The following NTSR1 variants were observed in gnomAD, a reference collection of about 807,000 sequenced individuals.
The protein encoded by NTSR1 is neurotensin receptor 1.
NTSR1 carries 29 observed loss-of-function variants against 31.2 expected under a neutral mutation model. The ratio of observed to expected loss-of-function variants is 0.93; its 90% CI spans 0.69 to 1.27. The LOEUF (loss-of-function observed/expected upper bound fraction) is 1.27. Among genes scored for constraint, NTSR1 ranks in the 50% most tolerant of loss-of-function variants. The pLI is 0.00. For synonymous variants in NTSR1, 282 were observed against 269.9 expected, an observed-to-expected ratio of 1.04 and a Z score of -0.44; for missense variants, 697 against 595.4, an observed-to-expected ratio of 1.17 and a Z score of -1.78.
At chr20:62,738,286 C>A (rs994175450) in intron 1 of NTSR1, among the ~76,000 whole-genome samples, 2 of 152,222 alleles carry the variant, frequency 1.3e-5, no homozygotes, top group African/African-American at 4.8e-5. Flanking sequence ...ACAGACAAGG[C>A]AGGTGCAGCC....
At chr20:62,727,607 G>T (rs1290316331) in intron 1 of NTSR1, among the ~76,000 whole-genome samples, 1 of 152,234 alleles carries the variant, frequency 6.6e-6, no homozygotes, top group Non-Finnish European at 1.5e-5. Context: ...GTGACTGAGG[G>T]GATAGCACAG....
chr20:62,718,222 C>A (rs2147133151), intron 1 of NTSR1, among the ~76,000 whole-genome samples: 1 of 152,250 alleles, frequency 6.6e-6, no homozygotes, highest in Non-Finnish European at 1.5e-5. Flanking sequence ...AGCAGAGCCG[C>A]CACGTGACTT....
rs1989605279 is a variant in NTSR1, at chr20:62,760,649, G to A, written c.*382G>A. The A allele has an allele frequency of 1.1e-5, 2 of 182,372 alleles. No individual in the cohort carries two copies. The highest frequency in any genetic ancestry group is 2.3e-5 in the Non-Finnish European group (2 of 86,086). 11.3% of individuals were successfully genotyped at this position (182,372 alleles called of 1,614,324 possible). A position where few individuals can be genotyped will look rare whatever the true frequency, so the allele number is the denominator to read the frequency against. Reference sequence around the variant, plus strand: ...AGGTGCTGGGTGGGGCCGGGCCTCCGGCGGCCCGGCTGCTGTTCCCATGTC... The same window carrying A: ...AGGTGCTGGGTGGGGCCGGGCCTCCAGCGGCCCGGCTGCTGTTCCCATGTC... On this transcript the variant is annotated 3_prime_UTR_variant, in exon 4 of 4. Transcript: ENST00000370501.
chr20:62,725,006 C>T (rs1988881995), intron 1 of NTSR1, among the ~76,000 whole-genome samples: 1 of 152,226 alleles, frequency 6.6e-6, no homozygotes, highest in African/African-American at 2.4e-5. Flanking sequence ...CAAATAAGGT[C>T]ACACAGGTTC....
At position 62,758,308 on chromosome 20, in the gene NTSR1, A is replaced by T. The variant is rs200915335; in HGVS notation, c.959A>T (p.His320Leu). The T allele has an allele frequency of 6.2e-7, 1 of 1,612,914 alleles. No individual in the cohort carries two copies. Among genetic ancestry groups the T allele is most frequent in the African/African-American group, 1.3e-5 (1 of 74,760 alleles). ...TTTGTGGTCTGCTGGCTGCCCTACC[A>T]CGTGCGGCGCCTCATGTTCTGCTAC... Reference protein sequence around the residue: ...IAFVVCWLPYHVRRLMFCYIS... With the variant: ...IAFVVCWLPYLVRRLMFCYIS... Residue 320 changes from histidine (H) to leucine (L), a missense_variant, in exon 3 of 4, where the codon CAC (histidine) becomes CTC (leucine). Coordinates refer to ENST00000370501, the MANE Select transcript of NTSR1 (RefSeq NM_002531.3). This position sits in a 1 kb window ranked among gnomAD's most constrained non-coding sequence, Gnocchi z 4.5.
At position 62,716,507 on chromosome 20, in the gene NTSR1, C is replaced by T. The variant is rs113202625; in HGVS notation, c.714+6586C>T. 5.9e-4 allele frequency among the ~76,000 whole-genome samples: 28 copies of T among 47,832 alleles called. 1 individual carries two copies. Among genetic ancestry groups the T allele is most frequent in the African/African-American group, 1.6e-3 (28 of 17,382 alleles). The allele number at this position is 47,832 out of a possible 152,430, so 31.4% of individuals were successfully genotyped here. On this transcript the variant is annotated intron_variant, in intron 1 of 3. Coordinates refer to ENST00000370501, the MANE Select transcript of NTSR1 (RefSeq NM_002531.3). Reference sequence around the variant, plus strand: ...TGGATCATAGCTCGTGGTTTCAGCGCGTTAGTCCCGCCTCCGTGAGTCTGT... The same window carrying T: ...TGGATCATAGCTCGTGGTTTCAGCGTGTTAGTCCCGCCTCCGTGAGTCTGT...
Position 62,760,627 on chromosome 20 carries a change from T to G in NTSR1, c.*360T>G. On this transcript the variant is annotated 3_prime_UTR_variant, in exon 4 of 4. Coordinates refer to ENST00000370501, the MANE Select transcript of NTSR1 (RefSeq NM_002531.3). ...TGGTTCCAGAGAAGGAAATGAAAGGTGCTGGGTGGGGCCGGGCCTCCGGCG... is the reference window on the plus strand; with the variant it reads ...TGGTTCCAGAGAAGGAAATGAAAGGGGCTGGGTGGGGCCGGGCCTCCGGCG... 1 of 198,694 alleles carries G rather than the reference T, an allele frequency of 5.0e-6. No homozygotes were observed. The highest frequency in any genetic ancestry group is 1.0e-5 in the Non-Finnish European group (1 of 96,324). 12.3% of individuals were successfully genotyped at this position (198,694 alleles called of 1,614,324 possible).
chr20:62,758,696 C>A lies in NTSR1; in HGVS notation c.1007+340C>A, dbSNP rs1989558661. ...CCTCCTCATATGGCAGCTGTCAGAG[C>A]CCCAAGGCCACCCAGGTTGGACCCA... On this transcript the variant is annotated intron_variant, in intron 3 of 3. Transcript: ENST00000370501. This position sits in a 1 kb window ranked among gnomAD's most constrained non-coding sequence, Gnocchi z 4.5. 6.6e-6 allele frequency among the ~76,000 whole-genome samples: 1 copy of A among 152,144 alleles called. No homozygotes were observed. The highest frequency in any genetic ancestry group is 2.1e-4 in the South Asian group (1 of 4,828).
intron 1 of NTSR1, among the ~76,000 whole-genome samples, chr20:62,718,807 T>C (rs1988781132): frequency 1.3e-5 from 2 of 152,252 alleles, no homozygotes; most frequent in South Asian, 4.1e-4. Flanking sequence ...TGGGCGATTA[T>C]GAATAAAGTA....
intron 1 of NTSR1, among the ~76,000 whole-genome samples, chr20:62,731,461 A>T (rs1159308680): frequency 6.6e-6 from 1 of 151,938 alleles, no homozygotes; most frequent in Non-Finnish European, 1.5e-5. Flanking sequence ...GCATCTAAAA[A>T]CTCATTGCCA....
rs546802941 is a variant in NTSR1 at position 62,710,957 on chromosome 20, C to T, written c.714+1036C>T. On this transcript the variant is annotated intron_variant, in intron 1 of 3. Transcript: ENST00000370501. The stretch of plus-strand genomic sequence containing the variant: ...CAGCTAGAGGGGCCAGGGTGGCTGG[C>T]TGTCCCCCCAACTCCCCACACACCA... 5.4e-4 allele frequency among the ~76,000 whole-genome samples: 82 copies of T among 152,310 alleles called. 2 individuals carry two copies. The highest frequency in any genetic ancestry group is 4.7e-3 in the Admixed American group (72 of 15,306).
At chr20:62,759,247 G>C (rs941661737) in intron 3 of NTSR1, among the ~76,000 whole-genome samples, 1 of 152,200 alleles carries the variant, frequency 6.6e-6, no homozygotes, top group African/African-American at 2.4e-5. Context: ...GGGCTGACTG[G>C]TAGTAATTGA....
rs45595235 is a variant in NTSR1, at chr20:62,760,000, G to A, written c.1008-18G>A. On this transcript the variant is annotated intron_variant, in intron 3 of 3. Transcript: ENST00000370501. ...CAAGAGTTCTCTCTGGGATCTGAGC[G>A]CCTCTCTCTCCCCGCAGGTTCCTCT... The A allele has an allele frequency of 6.3e-5, 102 of 1,611,116 alleles. No homozygotes were observed. Among genetic ancestry groups the A allele is most frequent in the South Asian group, 4.6e-4 (42 of 91,022 alleles).
At chr20:62,722,310 C>T (rs1223373436) in intron 1 of NTSR1, among the ~76,000 whole-genome samples, 1 of 152,210 alleles carries the variant, frequency 6.6e-6, no homozygotes, top group African/African-American at 2.4e-5. Context: ...TCTGTCTTAG[C>T]TGGGGTGGGT....
In NTSR1 at chr20:62,741,706, C is replaced by T. The variant is rs1002611494; in HGVS notation, c.715-12979C>T. Among the ~76,000 whole-genome samples, 3 of 149,732 alleles carry T rather than the reference C, an allele frequency of 2.0e-5. No homozygotes were observed. Among genetic ancestry groups the T allele is most frequent in the African/African-American group, 7.5e-5 (3 of 40,166 alleles). ...GGAGCCATGGACAGAGGCTGTGGGG[C>T]AGGCTCAGTCCCTGAGAGGTCGCCA... is the stretch of plus-strand genomic sequence containing the variant. On this transcript the variant is annotated intron_variant, in intron 1 of 3. Coordinates refer to ENST00000370501, the MANE Select transcript of NTSR1 (RefSeq NM_002531.3). This position sits in a 1 kb window ranked among gnomAD's most constrained non-coding sequence, Gnocchi z 4.3.
In NTSR1 at chr20:62,760,421, T is replaced by A. The variant is rs1448567152; in HGVS notation, c.*154T>A. ...CCTGGGACCCCCCCCTCCCACCCCC[T>A]AACCCATGTTTCTCATTAGTGTCTC... On this transcript the variant is annotated 3_prime_UTR_variant, in exon 4 of 4. Coordinates refer to ENST00000370501, the MANE Select transcript of NTSR1 (RefSeq NM_002531.3). 1 of 557,148 alleles carries A rather than the reference T, an allele frequency of 1.8e-6. No homozygotes were observed. Among genetic ancestry groups the A allele is most frequent in the Non-Finnish European group, 2.7e-6 (1 of 374,436 alleles). 34.5% of individuals were successfully genotyped at this position (557,148 alleles called of 1,614,324 possible). A position where few individuals can be genotyped will look rare whatever the true frequency, so the allele number is the denominator to read the frequency against.
chr20:62,732,859 T>G lies in NTSR1; in HGVS notation c.715-21826T>G, dbSNP rs1428048275. 3 of 152,240 alleles carry G rather than the reference T, an allele frequency of 2.0e-5. No individual in the cohort carries two copies. The highest frequency in any genetic ancestry group is 7.2e-5 in the African/African-American group (3 of 41,450). The allele number at this position is 152,240 out of a possible 1,614,324, so 9.4% of individuals were successfully genotyped here. A position where few individuals can be genotyped will look rare whatever the true frequency, so the allele number is the denominator to read the frequency against. On this transcript the variant is annotated intron_variant, in intron 1 of 3. Coordinates refer to ENST00000370501, the MANE Select transcript of NTSR1 (RefSeq NM_002531.3). This position sits in a 1 kb window ranked among gnomAD's most constrained non-coding sequence, Gnocchi z 4.0. ...GCTCCAGGCACGCTGGTTCCCCATC[T>G]GACCCTCCGCTTGCTTTTCCTCGGG...
At chr20:62,731,460 A>G (rs1346590255) in intron 1 of NTSR1, among the ~76,000 whole-genome samples, 1 of 152,190 alleles carries the variant, frequency 6.6e-6, no homozygotes, top group East Asian at 1.9e-4. Context: ...TGCATCTAAA[A>G]ACTCATTGCC....
At position 62,758,339 on chromosome 20, in the gene NTSR1, G is replaced by A. The variant is rs113016803; in HGVS notation, c.990G>A (p.Ser330=). The part of the protein sequence containing the change: ...HVRRLMFCYI[S]DEQWTPFLYD... Reference sequence around the variant, plus strand: ...GGCGCCTCATGTTCTGCTACATCTCGGATGAGCAGTGGACTCCGTGAGTAC... The same window carrying A: ...GGCGCCTCATGTTCTGCTACATCTCAGATGAGCAGTGGACTCCGTGAGTAC... Residue 330 remains serine (S), a synonymous_variant, in exon 3 of 4, where the codon TCG becomes TCA. Coordinates refer to ENST00000370501, the MANE Select transcript of NTSR1 (RefSeq NM_002531.3). The surrounding 1 kb of genome is among the most constrained non-coding windows in gnomAD (Gnocchi z 4.5). 2.1e-3 allele frequency: 3,391 copies of A among 1,613,694 alleles called. 6 individuals carry two copies. The highest frequency in any genetic ancestry group is 2.6e-3 in the Non-Finnish European group (3,017 of 1,179,958).
Sources: allele counts gnomAD v4.1 joint callset (sites outside exome capture counted in the v4.1 genomes callset), GRCh38; gene constraint gnomAD v4.1.1; non-coding constraint Gnocchi (gnomAD v3.1); transcripts MANE v1.5; gene names NCBI Gene and HGNC (gene_info 2026-07-23, HGNC 2026-07-21).